VWA8: variants seen among roughly 807,000 people sequenced by gnomAD.
The protein encoded by VWA8 is von Willebrand factor A domain-containing protein 8.
Under a neutral mutation model 241.5 loss-of-function variants are expected in VWA8, and 221 were observed. The ratio of observed to expected loss-of-function variants is 0.91; its 90% confidence interval spans 0.82 to 1.02. The LOEUF (loss-of-function observed/expected upper bound fraction) is 1.02, where lower values mean the gene tolerates loss of function less well. VWA8 is among the 50% of genes least tolerant of loss of function. The pLI, the probability that VWA8 is intolerant of heterozygous loss-of-function variation, is 0.00. For missense variants in VWA8, 2,322 were observed against 2,328.7 expected (o/e 1.00, Z 0.06); for synonymous variants, 852 against 827.1 (o/e 1.03, Z -0.52).
chr13:41,645,475 T>C (rs1181713683), intron 37 of VWA8, among the ~76,000 whole-genome samples: 2 of 152,208 alleles, frequency 1.3e-5, no homozygotes, highest in Non-Finnish European at 2.9e-5. Context: ...GCTACAAATA[T>C]TACAAATACC....
Position 41,671,098 on chromosome 13 carries a change from T to C in VWA8, c.4459A>G (p.Thr1487Ala). Residue 1487 changes from threonine to alanine, a missense_variant, in exon 37 of 45, where the codon ACA becomes GCA. Thr to Ala is a moderately conservative substitution (Grantham distance 58). Coordinates refer to ENST00000379310, the MANE Select transcript of VWA8 (RefSeq NM_015058.2). ...YTTWLSTISD[T>A]DALLAEWDKS... The stretch of plus-strand genomic sequence containing the variant: ...TCCCACTCAGCCAGCAGTGCATCTG[T>C]GTCTGAAATGGTCGACAGCCATGTG... 6.2e-7 allele frequency: 1 copy of C among 1,613,970 alleles called. No individual in the cohort carries two copies.
intron 20 of VWA8, among the ~76,000 whole-genome samples, chr13:41,768,230 G>A (rs755459828): frequency 5.9e-5 from 9 of 152,190 alleles, no homozygotes; most frequent in Non-Finnish European, 1.5e-5. Flanking sequence ...TGGACAAACT[G>A]TTCAGTGCTT....
intron 29 of VWA8, 144 bp downstream of exon 29, chr13:41,698,927 C>A (rs1384207715): frequency 3.4e-5 from 34 of 1,013,462 alleles, no homozygotes; most frequent in Non-Finnish European, 5.0e-5. Flanking sequence ...CTTTGTAGTA[C>A]TGATAAAATG....
chr13:41,816,577 T>G, intron 16 of VWA8, 121 bp downstream of exon 16: 1 of 890,816 alleles, frequency 1.1e-6, no homozygotes, highest in Non-Finnish European at 1.7e-6. Context: ...AGGCATAGCA[T>G]AAGGGATTCC....
At position 41,811,225 on chromosome 13, in the gene VWA8, C is replaced by A; in HGVS notation, c.2063G>T (p.Arg688Met). 1 of 1,600,152 alleles carries A rather than the reference C, an allele frequency of 6.2e-7. No homozygotes were observed. Among genetic ancestry groups the A allele is most frequent in the Non-Finnish European group, 8.6e-7 (1 of 1,169,036 alleles). Residue 688 changes from arginine (R) to methionine (M), a missense_variant and splice_region_variant, in exon 17 of 45, where the codon AGG becomes ATG. Transcript: ENST00000379310. ...ACGCAGTGAGAAAGAATATGTTTAC[C>A]TGGAAAGGCAGGCTTTAGTAACAGC... is the stretch of plus-strand genomic sequence containing the variant. ...HSAVTKACLSRFLPSLARSAL... is the reference protein window; with the variant it reads ...HSAVTKACLSMFLPSLARSAL...
At chr13:41,699,557 C>T (rs2045236614) in intron 28 of VWA8, among the ~76,000 whole-genome samples, 2 of 152,136 alleles carry the variant, frequency 1.3e-5, no homozygotes, top group Non-Finnish European at 2.9e-5. Flanking sequence ...ATTAAACAAT[C>T]CTCAATGTCA....
rs545120549 is a variant in VWA8, at chr13:41,729,756, C to T, written c.2503-79G>A. On this transcript the variant is annotated intron_variant, in intron 22 of 44. Coordinates refer to ENST00000379310, the MANE Select transcript of VWA8 (RefSeq NM_015058.2). ...AAACTTCATTACTTACTGCTTTGGA[C>T]TTATAACAGCTGGCTTTATTTAAGT... 53 of 1,414,540 alleles carry T rather than the reference C, an allele frequency of 3.7e-5. No homozygotes were observed. In the East Asian group the frequency reaches 1.3e-3, roughly 34 times the overall value. 87.6% of individuals were successfully genotyped at this position (1,414,540 alleles called of 1,614,324 possible).
intron 12 of VWA8, among the ~76,000 whole-genome samples, chr13:41,842,701 T>G (rs915673626): frequency 3.9e-5 from 6 of 152,214 alleles, no homozygotes; most frequent in Non-Finnish European, 8.8e-5. Context: ...TAGGTGCAGA[T>G]AATACAGTTA....
At chr13:41,715,424 AT>A (rs943918965) in intron 26 of VWA8, among the ~76,000 whole-genome samples, 22 of 152,112 alleles carry the variant, frequency 1.4e-4, no homozygotes, top group Admixed American at 5.9e-4. Context: ...TAAAATGGAA[AT>A]CTCATGAAAA....
chr13:41,731,939 T>G (rs970226434), intron 22 of VWA8, 141 bp downstream of exon 22: 4 of 645,242 alleles, frequency 6.2e-6, no homozygotes, highest in Non-Finnish European at 1.0e-5. Flanking sequence ...CTTTATAAAT[T>G]ACCCCGTCTC....
intron 37 of VWA8, among the ~76,000 whole-genome samples, chr13:41,638,474 G>A (rs1013710779): frequency 6.6e-6 from 1 of 152,148 alleles, no homozygotes; most frequent in African/African-American, 2.4e-5. Context: ...AGGAGACTGA[G>A]AAGAAGCAGA....
At chr13:41,956,721 T>C (rs1487321378) in intron 1 of VWA8, among the ~76,000 whole-genome samples, 1 of 152,198 alleles carries the variant, frequency 6.6e-6, no homozygotes, top group Non-Finnish European at 1.5e-5. Flanking sequence ...ATAACAAAAA[T>C]TCATGTAGAT....
At chr13:41,906,842 C>T (rs1456379075) in intron 4 of VWA8, among the ~76,000 whole-genome samples, 1 of 152,124 alleles carries the variant, frequency 6.6e-6, no homozygotes, top group African/African-American at 2.4e-5. Flanking sequence ...TCTTCTTCCT[C>T]ATTAATACTG....
chr13:41,791,487 A>G (rs1869460626), intron 17 of VWA8, among the ~76,000 whole-genome samples: 1 of 151,910 alleles, frequency 6.6e-6, no homozygotes, highest in Non-Finnish European at 1.5e-5. Context: ...GAAGACTATT[A>G]AACATTCTAT....
chr13:41,926,087 A>AT, intron 2 of VWA8: 1 of 493,674 alleles, frequency 2.0e-6, no homozygotes, highest in South Asian at 2.6e-5. Context: ...GAAATTATAA[A>AT]TCAGAAGAAT....
chr13:41,930,965 A>G (rs1566043427), intron 2 of VWA8, among the ~76,000 whole-genome samples: 1 of 151,948 alleles, frequency 6.6e-6, no homozygotes, highest in Non-Finnish European at 1.5e-5. Flanking sequence ...CCTGGCCAAC[A>G]TGGTGAAACC....
chr13:41,600,462 C>T (rs746921611), intron 40 of VWA8, among the ~76,000 whole-genome samples: 2 of 152,084 alleles, frequency 1.3e-5, no homozygotes, highest in Non-Finnish European at 2.9e-5. Flanking sequence ...TTCCTTGACT[C>T]GGCTGTTCTC....
In VWA8 at chr13:41,754,257, G is replaced by A. The variant is rs368421684; in HGVS notation, c.2426+6871C>T. Among the ~76,000 whole-genome samples the A allele has an allele frequency of 4.1e-4, 63 of 152,168 alleles. 1 individual carries two copies. In the East Asian group the frequency reaches 6.6e-3, roughly 16 times the overall value. ...GGCAGGTCTTTCCTGTGCTATTCTC[G>A]TGATAGTAAGTCTCAAGAGATCTGA... On this transcript the variant is annotated intron_variant, in intron 21 of 44. Transcript: ENST00000379310.
At chr13:41,760,704 A>G (rs1342585350) in intron 21 of VWA8, among the ~76,000 whole-genome samples, 1 of 152,132 alleles carries the variant, frequency 6.6e-6, no homozygotes, top group East Asian at 1.9e-4. Flanking sequence ...AGGCAAGGAG[A>G]CAAATAATAA....
Sources: allele counts gnomAD v4.1 joint callset (sites outside exome capture counted in the v4.1 genomes callset), GRCh38; gene constraint gnomAD v4.1.1; transcripts MANE v1.5; gene names NCBI Gene and HGNC (gene_info 2026-07-23, HGNC 2026-07-21).